ZNF91: variants seen among roughly 807,000 people sequenced by gnomAD.
The protein encoded by ZNF91 is zinc finger protein 91 (HPF7, HTF10).
ZNF91 carries 7 observed loss-of-function variants against 12.6 expected under a neutral mutation model. That is an observed-to-expected ratio of 0.55 (90% CI 0.31 to 1.04). The LOEUF (loss-of-function observed/expected upper bound fraction) is 1.04. ZNF91 is among the 50% of genes least tolerant of loss of function. The pLI, the probability that ZNF91 is intolerant of heterozygous loss-of-function variation, is 0.05. For missense variants in ZNF91, 1,217 were observed against 1,385.4 expected, an observed-to-expected ratio of 0.88 and a Z score of 1.93; for synonymous variants, 453 against 462.6, an observed-to-expected ratio of 0.98 and a Z score of 0.27.
chr19:23,317,507 T>C (rs1244346821), intron 1 of ZNF91, among the ~76,000 whole-genome samples: 1 of 152,150 alleles, frequency 6.6e-6, no homozygotes, highest in Non-Finnish European at 1.5e-5. Context: ...GAGACTCTCA[T>C]GCATAAAGCC....
At chr19:23,374,850 C>T (rs1285667719) in intron 1 of ZNF91, 86 bp from the exon 2 acceptor site, 2 of 1,572,056 alleles carry the variant, frequency 1.3e-6, no homozygotes, top group African/African-American at 2.7e-5. Context: ...CAGAAAGTGA[C>T]TAGAACTGGT....
upstream of ZNF91, among the ~76,000 whole-genome samples, chr19:23,312,216 G>C (rs1444085019): frequency 6.6e-6 from 1 of 152,136 alleles, no homozygotes; most frequent in African/African-American, 2.4e-5. Flanking sequence ...AAATATCTCT[G>C]GCACAGCACC....
intron 3 of ZNF91, among the ~76,000 whole-genome samples, chr19:23,373,411 TTAAAC>T (rs1222446125): frequency 4.9e-5 from 7 of 143,468 alleles, no homozygotes; most frequent in East Asian, 2.0e-4. Flanking sequence ...TAAAACCTGT[TTAAAC>T]TAATGAATAC....
intron 1 of ZNF91, among the ~76,000 whole-genome samples, chr19:23,386,157 TC>T (rs1242077249): frequency 6.6e-6 from 1 of 152,004 alleles, no homozygotes; most frequent in Admixed American, 6.6e-5. Flanking sequence ...CTTAAAGAAG[TC>T]AGAAATGGCA....
rs991063864 is a variant in ZNF91, at chr19:23,333,215, G to A, written n.117-24118C>T. Among the ~76,000 whole-genome samples, 4 of 152,272 alleles carry A rather than the reference G, an allele frequency of 2.6e-5. No individual in the cohort carries two copies. The South Asian group carries it at 6.2e-4, about 24-fold the overall frequency. On this transcript the variant is annotated intron_variant and non_coding_transcript_variant, in intron 1 of 1. Coordinates refer to the ZNF91 transcript ENST00000596528. ...AAACTGTACACTCATAAGTGTTTGG[G>A]AAATTTAGTTTTGCTTTGGGTAGGC...
intron 2 of ZNF91, 103 bp from the exon 3 acceptor site, chr19:23,373,940 T>C: frequency 1.6e-6 from 1 of 617,552 alleles, no homozygotes; most frequent in Non-Finnish European, 2.5e-6. Context: ...TTCTAATAAA[T>C]TGTCCCAATA....
intron 3 of ZNF91, among the ~76,000 whole-genome samples, chr19:23,368,476 T>C (rs908784048): frequency 6.7e-6 from 1 of 148,730 alleles, no homozygotes; most frequent in Non-Finnish European, 1.5e-5. Flanking sequence ...GATCACACCA[T>C]TACACTCCAG....
chr19:23,379,331 T>C, intron 1 of ZNF91, among the ~76,000 whole-genome samples: 1 of 152,280 alleles, frequency 6.6e-6, no homozygotes, highest in East Asian at 1.9e-4. Context: ...GTTGGCACCT[T>C]ATGTGTTTAT....
chr19:23,329,118 A>AT (rs1171546707), intron 1 of ZNF91: 13 of 152,208 alleles, frequency 8.5e-5, no homozygotes, highest in Admixed American at 2.6e-4. Flanking sequence ...GCTTTCTCCT[A>AT]TTCTTTTCCT....
intron 1 of ZNF91, among the ~76,000 whole-genome samples, chr19:23,316,486 G>T (rs1215937908): frequency 1.3e-5 from 2 of 152,082 alleles, no homozygotes; most frequent in Non-Finnish European, 2.9e-5. Flanking sequence ...CACCCTGCAG[G>T]GGTTGTAACG....
downstream of ZNF91, among the ~76,000 whole-genome samples, chr19:23,356,324 T>C (rs1292540393): frequency 6.6e-6 from 1 of 151,740 alleles, no homozygotes; most frequent in Non-Finnish European, 1.5e-5. Flanking sequence ...TATATGTGTG[T>C]GTATATATAT....
At chr19:23,354,554 C>T (rs138031301), downstream of ZNF91, among the ~76,000 whole-genome samples, 5 of 152,230 alleles carry the variant, frequency 3.3e-5, no homozygotes, top group East Asian at 1.9e-4. Flanking sequence ...CCTTTGAGAA[C>T]GGGAACAAGA....
downstream of ZNF91, among the ~76,000 whole-genome samples, chr19:23,355,650 A>T (rs1401695405): frequency 2.0e-5 from 3 of 152,250 alleles, no homozygotes; most frequent in African/African-American, 7.2e-5. Flanking sequence ...AGGAACAGTC[A>T]GCAGAGTAAA....
At chr19:23,386,330 CAA>C (rs1163073574) in intron 1 of ZNF91, among the ~76,000 whole-genome samples, 3 of 151,520 alleles carry the variant, frequency 2.0e-5, no homozygotes, top group Non-Finnish European at 4.4e-5. Context: ...CATATAAAAC[CAA>C]AAAAGAGTCT....
intron 1 of ZNF91, among the ~76,000 whole-genome samples, chr19:23,315,627 G>A (rs992240276): frequency 4.6e-5 from 7 of 151,886 alleles, no homozygotes; most frequent in African/African-American, 1.7e-4. Flanking sequence ...ATATTGCCTG[G>A]TGCAGCACCT....
At chr19:23,345,020 C>T (rs954371199) in intron 3 of ZNF91, among the ~76,000 whole-genome samples, 3 of 152,206 alleles carry the variant, frequency 2.0e-5, no homozygotes, top group Non-Finnish European at 4.4e-5. Context: ...AGGGAAAAAT[C>T]CACACAGCCT....
chr19:23,395,241 G>A, intron 1 of ZNF91, 84 bp downstream of exon 1: 3 of 1,532,206 alleles, frequency 2.0e-6, no homozygotes, highest in Non-Finnish European at 2.7e-6. Flanking sequence ...ACTGAAGGAA[G>A]GCCTGAGGCT....
exon 3 of ZNF91, chr19:23,307,333 A>G (rs538234226): frequency 2.9e-4 from 44 of 152,180 alleles, no homozygotes; most frequent in African/African-American, 1.0e-3. Flanking sequence ...TTGCCCAAAA[A>G]AGAGATTGGG....
intron 1 of ZNF91, chr19:23,324,602 T>G (rs1967804501): frequency 6.6e-6 from 1 of 151,726 alleles, no homozygotes; most frequent in South Asian, 2.1e-4. Context: ...TATAGATATA[T>G]TCTATGAGAA....
Sources: gnomAD v4.1 joint callset for allele counts (sites outside exome capture counted in the v4.1 genomes callset) on GRCh38, gnomAD v4.1.1 for gene constraint, MANE v1.5 for transcripts, NCBI Gene and HGNC (gene_info 2026-07-23, HGNC 2026-07-21) for gene names.